KNTC1: variants seen among roughly 807,000 people sequenced by gnomAD.
KNTC1 encodes kinetochore associated 1.
Under a neutral mutation model 314.4 loss-of-function variants are expected in KNTC1, and 253 were observed. That is an observed-to-expected ratio of 0.80 (90% CI 0.73 to 0.89). KNTC1 has a LOEUF of 0.89. Among genes scored for constraint, KNTC1 ranks in the 40% least tolerant of loss-of-function variants. The pLI, the probability that KNTC1 is intolerant of heterozygous loss-of-function variation, is 0.00. For synonymous variants in KNTC1, 901 were observed against 901.4 expected, an observed-to-expected ratio of 1.00 and a Z score of 0.01; for missense variants, 2,475 against 2,572.9, an observed-to-expected ratio of 0.96 and a Z score of 0.82.
intron 53 of KNTC1, chr12:122,611,682 G>A (rs567432707): frequency 6.6e-6 from 1 of 152,154 alleles, no homozygotes; most frequent in South Asian, 2.1e-4. Flanking sequence ...TAATCTTTCC[G>A]TATCTGTGGG....
intron 55 of KNTC1, among the ~76,000 whole-genome samples, chr12:122,614,056 C>T (rs1429917140): frequency 6.6e-6 from 1 of 152,130 alleles, no homozygotes; most frequent in East Asian, 1.9e-4. Context: ...GTCTCGAACT[C>T]CTGACCTCAG....
rs1444674272 is a variant in KNTC1, at chr12:122,623,605, C to T, written c.6516-993C>T. On this transcript the variant is annotated intron_variant, in intron 62 of 63. Coordinates refer to ENST00000333479, the MANE Select transcript of KNTC1 (RefSeq NM_014708.6). ...TTTAGTAAATTTTGACATATGTATACCTATAAAGCCATCACCACAATCAAG... is the reference window on the plus strand; with the variant it reads ...TTTAGTAAATTTTGACATATGTATATCTATAAAGCCATCACCACAATCAAG... Among the ~76,000 whole-genome samples the T allele has an allele frequency of 2.0e-5, 3 of 152,070 alleles. 1 individual carries two copies. Among genetic ancestry groups the T allele is most frequent in the Non-Finnish European group, 1.5e-5 (1 of 68,032 alleles).
chr12:122,561,915 A>C lies in KNTC1; in HGVS notation c.1489-6A>C. On this transcript the variant is annotated splice_region_variant and splice_polypyrimidine_tract_variant and intron_variant, in intron 18 of 63. Coordinates refer to ENST00000333479, the MANE Select transcript of KNTC1 (RefSeq NM_014708.6). Reference sequence around the variant, plus strand: ...TCTAACTGTATTTCTTATTATTCTTACTTAGCTTTTGAAGAAAGAAGATAA... The same window carrying C: ...TCTAACTGTATTTCTTATTATTCTTCCTTAGCTTTTGAAGAAAGAAGATAA... 1.9e-6 allele frequency: 3 copies of C among 1,562,502 alleles called. No homozygotes were observed. Among genetic ancestry groups the C allele is most frequent in the Non-Finnish European group, 2.6e-6 (3 of 1,137,498 alleles).
chr12:122,551,766 A>G, intron 16 of KNTC1, 70 bp downstream of exon 16: 1 of 1,069,888 alleles, frequency 9.3e-7, no homozygotes, highest in Non-Finnish European at 1.5e-6. Context: ...GAGAGGACAG[A>G]CATGTAATAT....
At position 122,574,300 on chromosome 12, in the gene KNTC1, A is replaced by G; in HGVS notation, c.2302A>G (p.Ser768Gly). The G allele has an allele frequency of 6.2e-7, 1 of 1,604,358 alleles. No homozygotes were observed. Among genetic ancestry groups the G allele is most frequent in the Non-Finnish European group, 8.5e-7 (1 of 1,173,686 alleles). The change falls in exon 27 of 64, where the codon AGC (serine) becomes GGC (glycine). Residue 768 changes from serine (S) to glycine (G), a missense_variant. By Grantham distance (56) the Ser-to-Gly change is moderately conservative. Coordinates refer to ENST00000333479, the MANE Select transcript of KNTC1 (RefSeq NM_014708.6). Reference sequence around the variant, plus strand: ...TTTTTAGGATTTACTGAATAGATGCAGCTCAAAGTCCACATCACTCTTTGA... The same window carrying G: ...TTTTTAGGATTTACTGAATAGATGCGGCTCAAAGTCCACATCACTCTTTGA... ...LYIEDLLNRC[S>G]SKSTSLFETA...
rs370531688 is a variant in KNTC1, at chr12:122,603,272, T to TAA, written c.5101+43_5101+44dup. On this transcript the variant is annotated intron_variant, in intron 48 of 63. Coordinates refer to ENST00000333479, the MANE Select transcript of KNTC1 (RefSeq NM_014708.6). ...TGAGCTCTTCTTTTAAAATTGTAGT[T>TAA]AAAAAAAAAAAAAAAGTACTCTTTT... 7,665 of 1,152,116 alleles carry TAA rather than the reference T, an allele frequency of 6.7e-3. 85 individuals carry two copies. The highest frequency in any genetic ancestry group is 0.054 in the African/African-American group (3,266 of 60,168). 71.4% of individuals were successfully genotyped at this position (1,152,116 alleles called of 1,614,324 possible). A position where few individuals can be genotyped will look rare whatever the true frequency, so the allele number is the denominator to read the frequency against.
chr12:122,555,009 C>T (rs1445878331), intron 16 of KNTC1, among the ~76,000 whole-genome samples: 2 of 143,790 alleles, frequency 1.4e-5, no homozygotes, highest in Non-Finnish European at 3.1e-5. Flanking sequence ...TACACCGCTG[C>T]ATTTTAGCCT....
intron 37 of KNTC1, 54 bp from the exon 38 acceptor site, chr12:122,586,647 C>G: frequency 1.2e-6 from 1 of 838,322 alleles, no homozygotes; most frequent in Non-Finnish European, 1.8e-6. Context: ...GAAGTCTGGG[C>G]TTTTAGTGTG....
chr12:122,609,134 C>G (rs528764892), intron 51 of KNTC1: 1 of 418,634 alleles, frequency 2.4e-6, no homozygotes, highest in African/African-American at 2.1e-5. Context: ...GCTTTATTTA[C>G]TCAGGCAATC....
chr12:122,576,673 C>G (rs929230347), intron 29 of KNTC1, among the ~76,000 whole-genome samples: 1 of 151,718 alleles, frequency 6.6e-6, no homozygotes, highest in Non-Finnish European at 1.5e-5. Context: ...GAGGGAGACT[C>G]TGTCTCAAAA....
At chr12:122,572,876 T>C (rs1414765197) in intron 24 of KNTC1, 61 bp from the exon 25 acceptor site, 1 of 1,271,694 alleles carries the variant, frequency 7.9e-7, no homozygotes, top group Non-Finnish European at 1.1e-6. Flanking sequence ...ATAATTCTGA[T>C]TCTATTTTTC....
chr12:122,606,983 G>A lies in KNTC1; in HGVS notation c.5496+1568G>A, dbSNP rs537263360. On this transcript the variant is annotated intron_variant, in intron 51 of 63. Coordinates refer to ENST00000333479, the MANE Select transcript of KNTC1 (RefSeq NM_014708.6). ...CAGTTACACCAATTGTCCTAATAAC[G>A]TTTTTTATATAAGCAGTTTTCTCCC... Among the ~76,000 whole-genome samples, 8 of 152,212 alleles carry A rather than the reference G, an allele frequency of 5.3e-5. No homozygotes were observed. In the South Asian group the frequency reaches 6.2e-4, roughly 12 times the overall value.
intron 44 of KNTC1, among the ~76,000 whole-genome samples, chr12:122,599,777 T>C (rs1871580573): frequency 1.3e-5 from 2 of 152,324 alleles, no homozygotes; most frequent in South Asian, 2.1e-4. Flanking sequence ...CTTTGTTCAA[T>C]GTTGTTTTTC....
At chr12:122,599,621 A>G (rs2138097685) in intron 44 of KNTC1, among the ~76,000 whole-genome samples, 1 of 152,124 alleles carries the variant, frequency 6.6e-6, no homozygotes. Context: ...AAAGTGCTGG[A>G]ATTACAGGCA....
At chr12:122,559,611 C>T (rs1963844563) in intron 18 of KNTC1, among the ~76,000 whole-genome samples, 1 of 152,126 alleles carries the variant, frequency 6.6e-6, no homozygotes, top group Non-Finnish European at 1.5e-5. Flanking sequence ...CTCGCACTGT[C>T]ACCCAGGCTG....
At chr12:122,554,072 A>T (rs1050815584) in intron 16 of KNTC1, among the ~76,000 whole-genome samples, 10 of 64,020 alleles carry the variant, frequency 1.6e-4, no homozygotes, top group Admixed American at 4.4e-4. Flanking sequence ...CTTAAAAAAA[A>T]AAAAATATAT....
chr12:122,586,972 G>A lies in KNTC1; in HGVS notation c.3730+215G>A, dbSNP rs968707022. ...TGGGATTACAGGCGTGTGCCACCAC[G>A]CCGAGCTAGTTCTTTTGTATTTTTA... On this transcript the variant is annotated intron_variant, in intron 38 of 63. Transcript: ENST00000333479. Among the ~76,000 whole-genome samples the A allele has an allele frequency of 5.9e-5, 9 of 152,182 alleles. No individual in the cohort carries two copies. The South Asian group carries it at 1.0e-3, about 18-fold the overall frequency.
At chr12:122,597,588 A>T in intron 43 of KNTC1, 143 bp from the exon 44 acceptor site, 1 of 689,384 alleles carries the variant, frequency 1.5e-6, no homozygotes, top group Middle Eastern at 4.0e-4. Flanking sequence ...CTTTGATGAC[A>T]GGTAGTTTGT....
intron 35 of KNTC1, among the ~76,000 whole-genome samples, 169 bp from the exon 36 acceptor site, chr12:122,584,724 C>T (rs758643598): frequency 6.6e-6 from 1 of 152,086 alleles, no homozygotes; most frequent in African/African-American, 2.4e-5. Flanking sequence ...ATTTTCAAGT[C>T]AAGCTTGAGA....
Sources: allele counts gnomAD v4.1 joint callset (sites outside exome capture counted in the v4.1 genomes callset), GRCh38; gene constraint gnomAD v4.1.1; transcripts MANE v1.5; gene names NCBI Gene and HGNC (gene_info 2026-07-23, HGNC 2026-07-21).